PHF3: variants seen among roughly 807,000 people sequenced by gnomAD.
PHF3 encodes the protein PHD finger protein 3.
In PHF3, 41 loss-of-function variants were observed where a neutral mutation model predicts 178.4. The ratio of observed to expected loss-of-function variants is 0.23; its 90% CI spans 0.18 to 0.30. The LOEUF is 0.30. PHF3 is among the 10% of genes least tolerant of loss of function. The probability of loss-of-function intolerance (pLI) is 1.00; values close to 1 mark genes in which losing one functional copy is unlikely to be tolerated. For missense variants in PHF3, 2,346 were observed against 2,398.1 expected, an observed-to-expected ratio of 0.98 and a Z score of 0.45; for synonymous variants, 842 against 800.5, an observed-to-expected ratio of 1.05 and a Z score of -0.88.
chr6:63,703,931 G>T (rs562041367), intron 11 of PHF3, among the ~76,000 whole-genome samples: 2 of 152,194 alleles, frequency 1.3e-5, no homozygotes, highest in Admixed American at 6.5e-5. Context: ...CAAATGACAA[G>T]AATTTAACCA....
intron 2 of PHF3, among the ~76,000 whole-genome samples, chr6:63,673,490 G>T (rs374796264): frequency 6.6e-6 from 1 of 151,734 alleles, no homozygotes; most frequent in East Asian, 1.9e-4. Flanking sequence ...CTTATTCCAC[G>T]AAATACCTAA....
rs1767562213 is a variant in PHF3 at position 63,703,464 on chromosome 6, A to C, written c.3232-72A>C. On this transcript the variant is annotated intron_variant, in intron 10 of 15. Coordinates refer to ENST00000262043, the MANE Select transcript of PHF3 (RefSeq NM_001370348.2). ...CATTTTAGGAAAATATAAATGGAAA[A>C]TATAAATTGATTTTGATAATTGAGG... is the stretch of plus-strand genomic sequence containing the variant. 5 of 1,448,356 alleles carry C rather than the reference A, an allele frequency of 3.5e-6. No individual in the cohort carries two copies. In the East Asian group the frequency reaches 1.2e-4, roughly 35 times the overall value. The allele number at this position is 1,448,356 out of a possible 1,614,324, so 89.7% of individuals were successfully genotyped here.
chr6:63,713,681 CACTG>C lies in PHF3; in HGVS notation c.6096_6099del (p.Asp2033GlufsTer17), dbSNP rs1322050853. 1 of 1,573,590 alleles carries C rather than the reference CACTG, an allele frequency of 6.4e-7. No homozygotes were observed. The highest frequency in any genetic ancestry group is 8.6e-7 in the Non-Finnish European group (1 of 1,167,652). ...ATAGGTACCACAAAGATAGGGACCA[CACTG>C]ACAGAACTAAAAGCAAAAGGTAAAA... On this transcript the variant is annotated frameshift_variant, in exon 16 of 16. Coordinates refer to ENST00000262043, the MANE Select transcript of PHF3 (RefSeq NM_001370348.2). LOFTEE classifies it high-confidence loss of function.
At position 63,679,983 on chromosome 6, in the gene PHF3, T is replaced by C. The variant is rs752850735; in HGVS notation, c.245-17T>C. ...CCAATATTTTTAAAAGTTAATTTTTTTGTCGTTTTTTTCTAGTTGTTGGTC... is the reference window on the plus strand; with the variant it reads ...CCAATATTTTTAAAAGTTAATTTTTCTGTCGTTTTTTTCTAGTTGTTGGTC... On this transcript the variant is annotated splice_polypyrimidine_tract_variant and intron_variant, in intron 2 of 15. Coordinates refer to ENST00000262043, the MANE Select transcript of PHF3 (RefSeq NM_001370348.2). The C allele has an allele frequency of 1.2e-6, 2 of 1,602,558 alleles. No individual in the cohort carries two copies. The highest frequency in any genetic ancestry group is 3.4e-5 in the Admixed American group (2 of 58,882).
rs113048257 is a variant in PHF3 at position 63,706,162 on chromosome 6, T to C, written c.3501T>C (p.Ala1167=). 1.5e-5 allele frequency: 24 copies of C among 1,614,006 alleles called. No homozygotes were observed. The Middle Eastern group carries it at 9.9e-4, about 67-fold the overall frequency. ...TATCTTCAACCTCAAATATTTTGGC[T>C]TCTGAATTCTTTGAGGAGGAGAAAC... ...DALSSTSNIL[A]SEFFEEEKQE... The change falls in exon 12 of 16, where the codon GCT becomes GCC. Residue 1167 remains alanine, a synonymous_variant. Transcript: ENST00000262043.
intron 2 of PHF3, among the ~76,000 whole-genome samples, chr6:63,668,884 A>G (rs1464321624): frequency 6.6e-6 from 1 of 152,162 alleles, no homozygotes; most frequent in East Asian, 1.9e-4. Flanking sequence ...CCTTAGGACC[A>G]TATTTTCCTC....
rs1768251152 is a variant in PHF3, at chr6:63,718,329, C to T, written c.*4621C>T. On this transcript the variant is annotated 3_prime_UTR_variant, in exon 16 of 16. Transcript: ENST00000262043. Reference sequence around the variant, plus strand: ...AAGCTTTAAGGCAGCAATTCTCAAACTTTTGTTTTCAAGACCCCTTACACT... The same window carrying T: ...AAGCTTTAAGGCAGCAATTCTCAAATTTTTGTTTTCAAGACCCCTTACACT... Among the ~76,000 whole-genome samples, 1 of 151,908 alleles carries T rather than the reference C, an allele frequency of 6.6e-6. No individual in the cohort carries two copies. Among genetic ancestry groups the T allele is most frequent in the South Asian group, 2.1e-4 (1 of 4,824 alleles).
At chr6:63,659,736 A>G (rs1015164617) in intron 2 of PHF3, among the ~76,000 whole-genome samples, 2 of 152,202 alleles carry the variant, frequency 1.3e-5, no homozygotes, top group Non-Finnish European at 2.9e-5. Flanking sequence ...AAATGCTCCA[A>G]TGAGCATATC....
At chr6:63,676,382 A>T (rs1300883082) in intron 2 of PHF3, among the ~76,000 whole-genome samples, 2 of 152,238 alleles carry the variant, frequency 1.3e-5, no homozygotes, top group East Asian at 3.8e-4. Flanking sequence ...CTAAGGATCC[A>T]TAGGCAGTAA....
intron 2 of PHF3, among the ~76,000 whole-genome samples, chr6:63,647,403 T>C (rs574579165): frequency 6.6e-6 from 1 of 152,280 alleles, no homozygotes; most frequent in African/African-American, 2.4e-5. Context: ...CTGGTCCTAA[T>C]TGAGATGTGC....
In PHF3 at chr6:63,698,435, G is replaced by A. The variant is rs1488071244; in HGVS notation, c.2826-14G>A. 1 of 1,587,468 alleles carries A rather than the reference G, an allele frequency of 6.3e-7. No individual in the cohort carries two copies. The highest frequency in any genetic ancestry group is 8.6e-7 in the Non-Finnish European group (1 of 1,167,846). On this transcript the variant is annotated splice_polypyrimidine_tract_variant and intron_variant, in intron 7 of 15. Transcript: ENST00000262043. ...TATACATTTGAAAAATAATTGAATT[G>A]TTCTAATTTTAAGACTTACAGACTC...
intron 1 of PHF3, among the ~76,000 whole-genome samples, chr6:63,643,080 T>G (rs1764644798): frequency 6.6e-6 from 1 of 152,186 alleles, no homozygotes; most frequent in South Asian, 2.1e-4. Flanking sequence ...TTACCAATGA[T>G]AATGGTAAAT....
At chr6:63,696,211 TA>T (rs1767221631) in intron 6 of PHF3, among the ~76,000 whole-genome samples, 1 of 152,216 alleles carries the variant, frequency 6.6e-6, no homozygotes, top group Non-Finnish European at 1.5e-5. Flanking sequence ...GCATTTCATA[TA>T]AGGGCATACT....
At chr6:63,683,379 G>C (rs1343725497) in intron 3 of PHF3, among the ~76,000 whole-genome samples, 3 of 151,940 alleles carry the variant, frequency 2.0e-5, no homozygotes, top group Admixed American at 1.3e-4. Flanking sequence ...CTGATACAAG[G>C]GGGGGATGTA....
chr6:63,688,600 G>A (rs542938657), intron 4 of PHF3, among the ~76,000 whole-genome samples: 22 of 151,888 alleles, frequency 1.4e-4, no homozygotes, highest in Non-Finnish European at 2.4e-4. Context: ...CTCCCAAAGT[G>A]CTGGGATTAC....
chr6:63,640,781 G>A (rs1764539262), intron 1 of PHF3, among the ~76,000 whole-genome samples: 1 of 152,050 alleles, frequency 6.6e-6, no homozygotes, highest in African/African-American at 2.4e-5. Context: ...GTTGTTTTGA[G>A]GATTAAATGA....
In PHF3 at chr6:63,646,665, A is replaced by G. The variant is rs375804081; in HGVS notation, c.114A>G (p.Gln38=). The change falls in exon 2 of 16, where the codon CAA becomes CAG. Residue 38 remains glutamine, a synonymous_variant. Transcript: ENST00000262043. ...NEVCEDFSAS[Q]NVLEDSLKNM... ...TCTGTGAGGATTTTAGTGCAAGTCA[A>G]AATGTCTTAGAGGACTCGCTGAAGA... 2.5e-6 allele frequency: 4 copies of G among 1,613,840 alleles called. No homozygotes were observed. The highest frequency in any genetic ancestry group is 2.7e-5 in the African/African-American group (2 of 74,904).
rs56713654 is a variant in PHF3 at position 63,644,887 on chromosome 6, A to AT, written c.-25-1624dup. On this transcript the variant is annotated intron_variant, in intron 1 of 15. Coordinates refer to ENST00000262043, the MANE Select transcript of PHF3 (RefSeq NM_001370348.2). The stretch of plus-strand genomic sequence containing the variant: ...CCCCAGGCAGTCACTAATTTGTTGG[A>AT]TTTTTTTTTTTTTTTTGGGCACAGG... Among the ~76,000 whole-genome samples the AT allele has an allele frequency of 6.1e-3, 831 of 135,262 alleles. 1 individual carries two copies. Among genetic ancestry groups the AT allele is most frequent in the African/African-American group, 9.9e-3 (363 of 36,822 alleles). The allele number at this position is 135,262 out of a possible 152,430, so 88.7% of individuals were successfully genotyped here.
At chr6:63,679,148 T>C (rs1359083851) in intron 2 of PHF3, 2 of 154,764 alleles carry the variant, frequency 1.3e-5, no homozygotes, top group African/African-American at 2.4e-5. Context: ...CCAGACTTGC[T>C]GGTCTAAATA....
Sources: allele counts gnomAD v4.1 joint callset (sites outside exome capture counted in the v4.1 genomes callset), GRCh38; gene constraint gnomAD v4.1.1; transcripts MANE v1.5; gene names NCBI Gene and HGNC (gene_info 2026-07-23, HGNC 2026-07-21).